The following UNC79 variants were observed in gnomAD, a reference collection of about 807,000 sequenced individuals.
UNC79 encodes the protein unc-79 subunit of NALCN channel complex.
UNC79 carries 37 observed loss-of-function variants against 283.1 expected under a neutral mutation model. The ratio of observed to expected loss-of-function variants is 0.13; its 90% CI spans 0.10 to 0.17. The LOEUF (loss-of-function observed/expected upper bound fraction) is 0.17. Ranked by LOEUF, UNC79 falls within the 10% of genes least tolerant of loss-of-function variation. UNC79 has a pLI of 1.00. For synonymous variants in UNC79, 1,107 were observed against 1,200.2 expected (o/e 0.92, Z 1.61); for missense variants, 2,272 against 3,211.1 (o/e 0.71, Z 7.07).
intron 3 of UNC79, among the ~76,000 whole-genome samples, chr14:93,475,920 T>C (rs2057773226): frequency 6.6e-6 from 1 of 152,178 alleles, no homozygotes. Context: ...TTAGCTATCG[T>C]GTTCTTGTTC....
chr14:93,655,659 A>C (rs973075129), intron 38 of UNC79, among the ~76,000 whole-genome samples: 15 of 151,776 alleles, frequency 9.9e-5, no homozygotes, highest in South Asian at 4.1e-4. Context: ...AAAAAAAAAA[A>C]AACAAAAAAA....
intron 1 of UNC79, among the ~76,000 whole-genome samples, chr14:93,362,127 A>G (rs949055518): frequency 6.6e-6 from 1 of 152,174 alleles, no homozygotes; most frequent in African/African-American, 2.4e-5. Context: ...TCTGTTCATC[A>G]GGCATATCTG....
intron 40 of UNC79, among the ~76,000 whole-genome samples, chr14:93,672,037 G>T (rs545029988): frequency 3.3e-5 from 5 of 152,250 alleles, no homozygotes; most frequent in African/African-American, 4.8e-5. Context: ...AAAAATAACA[G>T]ATCCTGGCGA....
intron 24 of UNC79, among the ~76,000 whole-genome samples, chr14:93,599,859 T>C (rs950596049): frequency 6.6e-6 from 1 of 152,190 alleles, no homozygotes; most frequent in African/African-American, 2.4e-5. Context: ...TTCTGTGTAT[T>C]CTAAAATGTA....
intron 1 of UNC79, among the ~76,000 whole-genome samples, chr14:93,376,586 T>C (rs1372789664): frequency 6.6e-6 from 1 of 152,168 alleles, no homozygotes. Flanking sequence ...AAAGAACAGT[T>C]CATGAATTGA....
At chr14:93,396,283 A>G (rs1168822727) in intron 1 of UNC79, among the ~76,000 whole-genome samples, 3 of 151,930 alleles carry the variant, frequency 2.0e-5, no homozygotes, top group Non-Finnish European at 4.4e-5. Context: ...TTCTAGAACC[A>G]ATAAGTTGAT....
At chr14:93,592,175 T>C (rs2064734515) in intron 22 of UNC79, among the ~76,000 whole-genome samples, 1 of 138,464 alleles carries the variant, frequency 7.2e-6, no homozygotes, top group Non-Finnish European at 1.5e-5. Context: ...ACTTTTCCTT[T>C]TTTTTTTTTT....
intron 7 of UNC79, among the ~76,000 whole-genome samples, chr14:93,518,036 A>G: frequency 6.6e-6 from 1 of 151,994 alleles, no homozygotes. Flanking sequence ...AGGTTCCTAC[A>G]TTTATGAGAG....
intron 1 of UNC79, among the ~76,000 whole-genome samples, chr14:93,459,612 T>C (rs551442450): frequency 6.6e-6 from 1 of 151,944 alleles, no homozygotes; most frequent in South Asian, 2.1e-4. Flanking sequence ...ATCAGTTTTA[T>C]ACTTATTAGC....
chr14:93,347,277 CCT>C (rs780613117), intron 1 of UNC79: 1 of 1,604,558 alleles, frequency 6.2e-7, no homozygotes, highest in African/African-American at 1.3e-5. Context: ...ATATGCCTCT[CCT>C]GCGTGGGCGC....
intron 1 of UNC79, among the ~76,000 whole-genome samples, chr14:93,404,493 A>AAAAAAAAT: frequency 1.3e-4 from 8 of 61,496 alleles, no homozygotes; most frequent in East Asian, 8.3e-4. Flanking sequence ...TTCTAAAAAA[A>AAAAAAAAT]ATATATATAT....
intron 7 of UNC79, 98 bp downstream of exon 7, chr14:93,497,384 A>G: frequency 2.9e-6 from 4 of 1,402,536 alleles, no homozygotes; most frequent in Non-Finnish European, 3.7e-6. Flanking sequence ...GCTGGATTAT[A>G]TTTTCTATGC....
At chr14:93,702,673 C>G (rs2075616159) in intron 47 of UNC79, among the ~76,000 whole-genome samples, 1 of 152,240 alleles carries the variant, frequency 6.6e-6, no homozygotes, top group Admixed American at 6.5e-5. Context: ...AAAAAGCTCT[C>G]CTTCGTCTTT....
At chr14:93,706,644 A>T (rs1175815926) in intron 48 of UNC79, 60 bp from the exon 52 acceptor site, 1 of 1,594,894 alleles carries the variant, frequency 6.3e-7, no homozygotes, top group African/African-American at 1.3e-5. Context: ...GCCCGGGTCG[A>T]CACTCCCTGG....
chr14:93,682,560 T>C, intron 41 of UNC79, 57 bp from the exon 45 acceptor site: 3 of 1,426,960 alleles, frequency 2.1e-6, no homozygotes, highest in South Asian at 2.4e-5. Context: ...AAATGATAAA[T>C]TACTTATTAA....
intron 22 of UNC79, among the ~76,000 whole-genome samples, chr14:93,588,878 G>A (rs1326619744): frequency 1.3e-5 from 2 of 152,046 alleles, no homozygotes; most frequent in African/African-American, 4.8e-5. Flanking sequence ...AGAACAAAAG[G>A]TAGGGTGGAA....
chr14:93,608,475 G>A (rs1246427933), intron 26 of UNC79, among the ~76,000 whole-genome samples: 1 of 152,190 alleles, frequency 6.6e-6, no homozygotes, highest in Non-Finnish European at 1.5e-5. Flanking sequence ...AAAAGGCAGG[G>A]ATGGGGATCA....
chr14:93,529,341 G>A lies in UNC79; in HGVS notation c.1093+15G>A. The A allele has an allele frequency of 1.2e-6, 2 of 1,613,356 alleles. No individual in the cohort carries two copies. Among genetic ancestry groups the A allele is most frequent in the Non-Finnish European group, 1.7e-6 (2 of 1,179,642 alleles). ...TCTGCCACAAGGTATGGTTTACTTA[G>A]GAAAGGATGAATAATGAGTAATCAT... On this transcript the variant is annotated intron_variant, in intron 10 of 48. Transcript: ENST00000555664.
chr14:93,450,251 TG>T (rs1391158801), intron 1 of UNC79, among the ~76,000 whole-genome samples: 2 of 152,050 alleles, frequency 1.3e-5, no homozygotes, highest in African/African-American at 4.8e-5. Context: ...AAACTTTCTG[TG>T]GGGGTAAAAT....
Sources: allele counts gnomAD v4.1 joint callset (sites outside exome capture counted in the v4.1 genomes callset), GRCh38; gene constraint gnomAD v4.1.1; transcripts MANE v1.5; gene names NCBI Gene and HGNC (gene_info 2026-07-23, HGNC 2026-07-21).